The following NRG3 variants were observed in gnomAD, a reference collection of about 807,000 sequenced individuals.
NRG3 encodes neuregulin 3, also known as pro-neuregulin-3, membrane-bound isoform.
Under a neutral mutation model 66.9 loss-of-function variants are expected in NRG3, and 31 were observed. The ratio of observed to expected loss-of-function variants is 0.46; its 90% CI spans 0.35 to 0.63. The LOEUF (loss-of-function observed/expected upper bound fraction) is 0.63. Among genes scored for constraint, NRG3 ranks in the 20% least tolerant of loss-of-function variants. The pLI is 0.00. For synonymous variants in NRG3, 393 were observed against 359.4 expected, an observed-to-expected ratio of 1.09 and a Z score of -1.06; for missense variants, 910 against 878.9, an observed-to-expected ratio of 1.04 and a Z score of -0.45.
At chr10:82,978,261 T>A (rs935007666) in intron 7 of NRG3, among the ~76,000 whole-genome samples, 1 of 152,230 alleles carries the variant, frequency 6.6e-6, no homozygotes, top group Admixed American at 6.5e-5. Context: ...TGTTAAGGCC[T>A]GTGGTATAAC....
At chr10:82,267,828 A>G (rs1351091693) in intron 1 of NRG3, among the ~76,000 whole-genome samples, 1 of 152,116 alleles carries the variant, frequency 6.6e-6, no homozygotes, top group Admixed American at 6.6e-5. Flanking sequence ...GAATTCTCTC[A>G]CTACATTTGT....
At chr10:82,641,895 A>G (rs1014340457) in intron 2 of NRG3, among the ~76,000 whole-genome samples, 2 of 152,164 alleles carry the variant, frequency 1.3e-5, no homozygotes, top group Admixed American at 6.6e-5. Flanking sequence ...TGGATAGATC[A>G]TGTAGTGGCA....
intron 1 of NRG3, among the ~76,000 whole-genome samples, chr10:81,970,515 T>C (rs953441687): frequency 4.6e-5 from 7 of 152,346 alleles, no homozygotes; most frequent in African/African-American, 1.4e-4. Context: ...ATTATTTCCG[T>C]ATTGCAAATT....
intron 2 of NRG3, among the ~76,000 whole-genome samples, chr10:82,591,264 A>G (rs754871959): frequency 2.0e-5 from 3 of 152,194 alleles, no homozygotes; most frequent in Non-Finnish European, 4.4e-5. Context: ...TAATATCCCT[A>G]AGAAACAGTA....
chr10:82,767,475 A>G (rs113484315), intron 3 of NRG3, among the ~76,000 whole-genome samples: 2 of 152,242 alleles, frequency 1.3e-5, no homozygotes, highest in African/African-American at 4.8e-5. Context: ...GGGTTCTTTT[A>G]ATCTAGAGAT....
intron 1 of NRG3, among the ~76,000 whole-genome samples, chr10:82,324,672 A>G (rs1222902791): frequency 6.6e-6 from 1 of 152,026 alleles, no homozygotes; most frequent in African/African-American, 2.4e-5. Context: ...TCCTTTCTCC[A>G]TTGGTTAATT....
At chr10:82,979,516 T>C (rs117545859) in intron 8 of NRG3, among the ~76,000 whole-genome samples, 2 of 152,292 alleles carry the variant, frequency 1.3e-5, no homozygotes, top group Non-Finnish European at 2.9e-5. Flanking sequence ...CGCTAAACAA[T>C]AACTCATGGC....
intron 7 of NRG3, among the ~76,000 whole-genome samples, chr10:82,978,658 A>C (rs1852533110): frequency 6.6e-6 from 1 of 152,050 alleles, no homozygotes; most frequent in Non-Finnish European, 1.5e-5. Flanking sequence ...CCTTAAGTTC[A>C]CCTCTTACCT....
chr10:82,591,187 G>A (rs949457302), intron 2 of NRG3, among the ~76,000 whole-genome samples: 3 of 152,166 alleles, frequency 2.0e-5, no homozygotes, highest in African/African-American at 7.2e-5. Flanking sequence ...AAGCCTAGAA[G>A]ACAAGGATTA....
chr10:82,464,633 C>T (rs1590221188), intron 2 of NRG3, among the ~76,000 whole-genome samples: 2 of 152,048 alleles, frequency 1.3e-5, no homozygotes, highest in South Asian at 4.2e-4. Flanking sequence ...CTTCTCAGCC[C>T]CTAATGAGTG....
At chr10:82,354,854 AATG>A (rs1356254795) in intron 1 of NRG3, among the ~76,000 whole-genome samples, 1 of 152,160 alleles carries the variant, frequency 6.6e-6, no homozygotes, top group Non-Finnish European at 1.5e-5. Flanking sequence ...ATGTGGAGAG[AATG>A]ATGTCTGATA....
At chr10:81,949,975 A>T (rs1388136868) in intron 1 of NRG3, among the ~76,000 whole-genome samples, 4 of 152,176 alleles carry the variant, frequency 2.6e-5, no homozygotes, top group Non-Finnish European at 5.9e-5. Flanking sequence ...ACTGAAGGCC[A>T]CATCTCTATT....
chr10:82,264,143 G>A (rs559519482), intron 1 of NRG3, among the ~76,000 whole-genome samples: 2 of 152,254 alleles, frequency 1.3e-5, no homozygotes, highest in African/African-American at 2.4e-5. Flanking sequence ...GTTAAAAAAC[G>A]TAGAGCCTTT....
intron 2 of NRG3, among the ~76,000 whole-genome samples, chr10:82,370,555 A>G (rs1219113504): frequency 6.8e-6 from 1 of 147,662 alleles, no homozygotes; most frequent in African/African-American, 2.7e-5. Flanking sequence ...GGATGCGGGC[A>G]TCTAGGCTTA....
At position 82,467,369 on chromosome 10, in the gene NRG3, A is replaced by C. The variant is rs954043499; in HGVS notation, c.953+108501A>C. On this transcript the variant is annotated intron_variant, in intron 2 of 8. Coordinates refer to ENST00000372141, the MANE Select transcript of NRG3 (RefSeq NM_001010848.4). ...GCAATACACTTCTGTTCCTCATTTT[A>C]TCTCTTCCACGCTGCCAAACTCATG... is the stretch of plus-strand genomic sequence containing the variant. Among the ~76,000 whole-genome samples the C allele has an allele frequency of 2.0e-5, 3 of 152,180 alleles. 1 individual carries two copies. In the East Asian group the frequency reaches 5.8e-4, roughly 29 times the overall value.
intron 2 of NRG3, among the ~76,000 whole-genome samples, chr10:82,412,399 G>A (rs541153794): frequency 1.7e-3 from 253 of 152,202 alleles, no homozygotes; most frequent in Non-Finnish European, 2.9e-3. Flanking sequence ...TATAAAATAT[G>A]CAATAGCATC....
At position 82,752,780 on chromosome 10, in the gene NRG3, G is replaced by A. The variant is rs1202445876; in HGVS notation, c.1027+14130G>A. Among the ~76,000 whole-genome samples, 4 of 152,288 alleles carry A rather than the reference G, an allele frequency of 2.6e-5. No homozygotes were observed. The East Asian group carries it at 5.8e-4, about 22-fold the overall frequency. ...GCTTCTTCCACCATGTGAGGACACAGCAAGAAGACGCAGTATAAGTACAAG... is the reference window on the plus strand; with the variant it reads ...GCTTCTTCCACCATGTGAGGACACAACAAGAAGACGCAGTATAAGTACAAG... On this transcript the variant is annotated intron_variant, in intron 3 of 8. Coordinates refer to ENST00000372141, the MANE Select transcript of NRG3 (RefSeq NM_001010848.4).
chr10:82,625,437 C>T (rs569092010), intron 2 of NRG3, among the ~76,000 whole-genome samples: 50 of 152,104 alleles, frequency 3.3e-4, no homozygotes, highest in Non-Finnish European at 6.2e-4. Flanking sequence ...CTAATATGCT[C>T]TTCATAGAAA....
chr10:82,201,756 C>A (rs1013299309), intron 1 of NRG3, among the ~76,000 whole-genome samples: 3 of 152,018 alleles, frequency 2.0e-5, no homozygotes, highest in African/African-American at 7.3e-5. Context: ...GTAACACCCA[C>A]CTTTCAGCAA....
Sources: allele counts gnomAD v4.1 joint callset (sites outside exome capture counted in the v4.1 genomes callset), GRCh38; gene constraint gnomAD v4.1.1; transcripts MANE v1.5; gene names NCBI Gene and HGNC (gene_info 2026-07-23, HGNC 2026-07-21).